TMEM59: variants seen among roughly 807,000 people sequenced by gnomAD.
TMEM59 encodes dendritic cell factor 1.
TMEM59 carries 44 observed loss-of-function variants against 42.2 expected under a neutral mutation model. The observed-to-expected ratio is 1.04, with a 90% CI of 0.82 to 1.34. The LOEUF (loss-of-function observed/expected upper bound fraction) is 1.34. Among genes scored for constraint, TMEM59 ranks in the 40% most tolerant of loss-of-function variants. The pLI, the probability that TMEM59 is intolerant of heterozygous loss-of-function variation, is 0.00. For synonymous variants in TMEM59, 148 were observed against 145.8 expected (o/e 1.02, Z -0.11); for missense variants, 359 against 382.8 (o/e 0.94, Z 0.52).
chr1:54,042,110 A>C (rs911689531), intron 4 of TMEM59, among the ~76,000 whole-genome samples: 1 of 151,776 alleles, frequency 6.6e-6, no homozygotes, highest in Non-Finnish European at 1.5e-5. Context: ...ACTACATTAA[A>C]TACTATACCT....
intron 1 of TMEM59, among the ~76,000 whole-genome samples, chr1:54,049,348 C>A (rs900641880): frequency 1.3e-5 from 2 of 152,156 alleles, no homozygotes; most frequent in African/African-American, 2.4e-5. Context: ...ATATTTATAT[C>A]TACAATAGCA....
chr1:54,037,660 G>T lies in TMEM59; in HGVS notation c.708-942C>A, dbSNP rs991695602. On this transcript the variant is annotated intron_variant, in intron 6 of 7. Coordinates refer to ENST00000234831, the MANE Select transcript of TMEM59 (RefSeq NM_004872.5). Reference sequence around the variant, plus strand: ...TACTTACCACCCTAATCACTCACTTGATAGTTTGCCAAGACTTGAACATGC... The same window carrying T: ...TACTTACCACCCTAATCACTCACTTTATAGTTTGCCAAGACTTGAACATGC... Among the ~76,000 whole-genome samples, 6 of 152,168 alleles carry T rather than the reference G, an allele frequency of 3.9e-5. 1 individual carries two copies. In the East Asian group the frequency reaches 1.2e-3, roughly 29 times the overall value.
chr1:54,044,339 C>CTCAAAAAAAAAAAAAAAAAAA (rs1332228226), intron 3 of TMEM59: 1 of 49,742 alleles, frequency 2.0e-5, no homozygotes. Context: ...GAGACTCCAT[C>CTCAAAAAAAAAAAAAAAAAAA]ACAAAAAAAA....
Position 54,053,088 on chromosome 1 carries a change from G to A in TMEM59, c.101C>T (p.Ser34Leu), listed in dbSNP as rs764394450. Residue 34 changes from serine to leucine, a missense_variant, in exon 1 of 8, where the codon TCG becomes TTG. Transcript: ENST00000234831. The part of the protein sequence containing the change: ...MALAGGSGTA[S>L]AEAFDSVLGD... ...CAAGACCGAGTCAAATGCTTCAGCC[G>A]AAGCGGTCCCCGAACCTCCGGCCAA... The A allele has an allele frequency of 1.9e-6, 3 of 1,614,246 alleles. No homozygotes were observed. Among genetic ancestry groups the A allele is most frequent in the South Asian group, 1.1e-5 (1 of 91,084 alleles).
At position 54,040,807 on chromosome 1, in the gene TMEM59, CT is replaced by C. The variant is rs765544778; in HGVS notation, c.655del (p.Arg219GlyfsTer13). On this transcript the variant is annotated frameshift_variant, in exon 6 of 8. Transcript: ENST00000234831. LOFTEE classifies it high-confidence loss of function. ...ACTTTCTCCATCTTCAAGAAAATTC[CT>C]GTGCGCTTGTGAATTTCTCATTTGC... is the stretch of plus-strand genomic sequence containing the variant. ...YLQMRNSQAHRNFLEDGESDG... is the reference protein window; with the variant it reads ...YLQMRNSQAHXNFLEDGESDG... The C allele has an allele frequency of 6.2e-7, 1 of 1,613,766 alleles. No homozygotes were observed. Among genetic ancestry groups the C allele is most frequent in the Non-Finnish European group, 8.5e-7 (1 of 1,179,836 alleles).
chr1:54,032,214 G>A lies in TMEM59; in HGVS notation c.908C>T (p.Thr303Ile). Residue 303 changes from threonine to isoleucine, a missense_variant, in exon 8 of 8, where the codon ACT (threonine) becomes ATT (isoleucine). Thr to Ile is a moderately conservative substitution (Grantham distance 89). Coordinates refer to ENST00000234831, the MANE Select transcript of TMEM59 (RefSeq NM_004872.5). ...ASSLVVVRSK[T>I]EDHEEAGPLP... is the part of the protein sequence containing the mutation. ...AGGCCCTGCTTCTTCATGATCTTCA[G>A]TTTTAGATCTAACAACCACAAGAGA... The A allele has an allele frequency of 6.2e-7, 1 of 1,613,308 alleles. No individual in the cohort carries two copies. The highest frequency in any genetic ancestry group is 8.5e-7 in the Non-Finnish European group (1 of 1,179,624).
At chr1:54,032,700 C>T (rs979663612) in intron 7 of TMEM59, among the ~76,000 whole-genome samples, 1 of 152,080 alleles carries the variant, frequency 6.6e-6, no homozygotes, top group Non-Finnish European at 1.5e-5. Flanking sequence ...GAAAAGGCTG[C>T]GAGAACAAAG....
At position 54,030,334 on chromosome 1, in the gene TMEM59, T is replaced by A. The variant is rs1656726022; in HGVS notation, c.*1816A>T. The A allele has an allele frequency of 6.6e-6, 1 of 152,178 alleles. No homozygotes were observed. The highest frequency in any genetic ancestry group is 1.5e-5 in the Non-Finnish European group (1 of 68,020). The allele number at this position is 152,178 out of a possible 1,614,324, so 9.4% of individuals were successfully genotyped here. The stretch of plus-strand genomic sequence containing the variant: ...TTTGCTTCATTGGATGCATTACAAT[T>A]AAACCTGTGCCTGACTAAGGAAACT... On this transcript the variant is annotated 3_prime_UTR_variant, in exon 8 of 8. Transcript: ENST00000234831.
chr1:54,039,033 G>A (rs561491967), intron 6 of TMEM59, among the ~76,000 whole-genome samples: 8 of 152,156 alleles, frequency 5.3e-5, no homozygotes, highest in Non-Finnish European at 5.9e-5. Flanking sequence ...TTGTAGAGAT[G>A]GATGGGGTCT....
upstream of TMEM59, chr1:54,053,286 C>T: frequency 1.4e-6 from 2 of 1,443,002 alleles, no homozygotes; most frequent in South Asian, 1.3e-5. Context: ...CCCCACCGAC[C>T]GTTGCTTCCG....
chr1:54,046,920 G>A (rs1459673261), intron 2 of TMEM59, among the ~76,000 whole-genome samples: 1 of 152,154 alleles, frequency 6.6e-6, no homozygotes, highest in Non-Finnish European at 1.5e-5. Context: ...GAGATAAGTC[G>A]ATGAACTTAT....
At chr1:54,050,606 C>T (rs1657499919) in intron 1 of TMEM59, among the ~76,000 whole-genome samples, 1 of 150,640 alleles carries the variant, frequency 6.6e-6, no homozygotes, top group African/African-American at 2.5e-5. Flanking sequence ...TCTTGTCGCC[C>T]AGGCTGGAGT....
rs1656679450 is a variant in TMEM59, at chr1:54,028,783, G to A, written c.*3367C>T. ...CATAGCACTTATCACATTAATAATAGTCTCCTTCAGAGTCTCAGCAATTGG... is the reference window on the plus strand; with the variant it reads ...CATAGCACTTATCACATTAATAATAATCTCCTTCAGAGTCTCAGCAATTGG... On this transcript the variant is annotated 3_prime_UTR_variant, in exon 8 of 8. Coordinates refer to ENST00000234831, the MANE Select transcript of TMEM59 (RefSeq NM_004872.5). 6.6e-6 allele frequency: 1 copy of A among 152,092 alleles called. No homozygotes were observed. Among genetic ancestry groups the A allele is most frequent in the South Asian group, 2.1e-4 (1 of 4,816 alleles). The allele number at this position is 152,092 out of a possible 1,614,324, so 9.4% of individuals were successfully genotyped here. A position where few individuals can be genotyped will look rare whatever the true frequency, so the allele number is the denominator to read the frequency against.
chr1:54,036,794 T>G, intron 6 of TMEM59, 76 bp from the exon 7 acceptor site: 2 of 967,488 alleles, frequency 2.1e-6, no homozygotes, highest in Non-Finnish European at 3.1e-6. Flanking sequence ...GTCAACCTTA[T>G]GTACTTAGCT....
At chr1:54,043,594 C>G in intron 3 of TMEM59, 69 bp from the exon 4 acceptor site, 1 of 1,049,352 alleles carries the variant, frequency 9.5e-7, no homozygotes, top group Non-Finnish European at 1.2e-6. Flanking sequence ...ACAATATAAT[C>G]AAGATTACTC....
upstream of TMEM59, chr1:54,053,391 T>G: frequency 1.6e-6 from 1 of 617,836 alleles, no homozygotes; most frequent in African/African-American, 1.8e-5. Flanking sequence ...TAGGCTGGCG[T>G]GAGGAGGGGA....
intron 3 of TMEM59, 40 bp from the exon 4 acceptor site, chr1:54,043,565 T>C: frequency 7.8e-7 from 1 of 1,288,122 alleles, no homozygotes; most frequent in East Asian, 2.9e-5. Flanking sequence ...ATTATTTTTA[T>C]ATATGTATAT....
At chr1:54,047,164 G>A in intron 2 of TMEM59, 103 bp downstream of exon 2, 1 of 915,202 alleles carries the variant, frequency 1.1e-6, no homozygotes, top group Admixed American at 3.0e-5. Flanking sequence ...TAGATGACTA[G>A]TTTCAACAGT....
chr1:54,038,399 T>G (rs559349905), intron 6 of TMEM59, among the ~76,000 whole-genome samples: 22 of 152,342 alleles, frequency 1.4e-4, no homozygotes, highest in African/African-American at 5.3e-4. Flanking sequence ...ATGAGACATG[T>G]GTAGGACTGT....
Sources: allele counts gnomAD v4.1 joint callset (sites outside exome capture counted in the v4.1 genomes callset), GRCh38; gene constraint gnomAD v4.1.1; transcripts MANE v1.5; gene names NCBI Gene and HGNC (gene_info 2026-07-23, HGNC 2026-07-21).